Variants in SDK1 observed in about 807,000 individuals in gnomAD.
The protein encoded by SDK1 is protein sidekick-1.
In SDK1, 157 loss-of-function variants were observed where a neutral mutation model predicts 245.5. The observed-to-expected ratio is 0.64, with a 90% CI of 0.56 to 0.73. The LOEUF is 0.73. SDK1 is among the 30% of genes least tolerant of loss of function. SDK1 has a pLI of 0.00. For missense variants in SDK1, 3,583 were observed against 3,002.3 expected (o/e 1.19, Z -4.52); for synonymous variants, 1,647 against 1,278.5 (o/e 1.29, Z -6.15).
intron 1 of SDK1, among the ~76,000 whole-genome samples, chr7:3,403,390 T>C (rs192989147): frequency 6.6e-6 from 1 of 152,302 alleles, no homozygotes; most frequent in African/African-American, 2.4e-5. Flanking sequence ...GGAGAATTGT[T>C]AGTTATTATT....
intron 4 of SDK1, among the ~76,000 whole-genome samples, chr7:3,759,802 A>G (rs1780041016): frequency 6.6e-6 from 1 of 152,080 alleles, no homozygotes; most frequent in South Asian, 2.1e-4. Flanking sequence ...CATGTTGGCC[A>G]GGCTGGTCTC....
At chr7:4,222,399 A>G (rs1000482836) in intron 40 of SDK1, among the ~76,000 whole-genome samples, 4 of 152,034 alleles carry the variant, frequency 2.6e-5, no homozygotes, top group African/African-American at 7.2e-5. Flanking sequence ...GGTTCAAGCA[A>G]TTCTCCTGCC....
intron 44 of SDK1, among the ~76,000 whole-genome samples, chr7:4,249,513 T>C (rs570693043): frequency 1.3e-5 from 2 of 152,304 alleles, no homozygotes; most frequent in African/African-American, 2.4e-5. Context: ...AGACATGCTC[T>C]CCACCTACAT....
At chr7:3,438,107 G>GC (rs1301594440) in intron 1 of SDK1, among the ~76,000 whole-genome samples, 1 of 152,110 alleles carries the variant, frequency 6.6e-6, no homozygotes, top group Non-Finnish European at 1.5e-5. Flanking sequence ...TCTTGACCTA[G>GC]CCCCCTGCAT....
intron 5 of SDK1, among the ~76,000 whole-genome samples, chr7:3,829,625 T>A (rs2115071555): frequency 6.6e-6 from 1 of 152,226 alleles, no homozygotes; most frequent in African/African-American, 2.4e-5. Context: ...GGAGGCTGGG[T>A]GTGCTCTTGA....
intron 17 of SDK1, among the ~76,000 whole-genome samples, chr7:4,041,915 G>A (rs1338754470): frequency 1.5e-5 from 2 of 134,856 alleles, no homozygotes; most frequent in Non-Finnish European, 3.1e-5. Flanking sequence ...CCAGGTTCGA[G>A]CAATACTCCT....
rs1781867432 is a variant in SDK1, at chr7:3,903,645, C to T, written c.848-47278C>T. Among the ~76,000 whole-genome samples the T allele has an allele frequency of 2.0e-5, 3 of 152,234 alleles. 1 individual carries two copies. Among genetic ancestry groups the T allele is most frequent in the African/African-American group, 2.4e-5 (1 of 41,530 alleles). On this transcript the variant is annotated intron_variant, in intron 5 of 44. Coordinates refer to ENST00000404826, the MANE Select transcript of SDK1 (RefSeq NM_152744.4). ...GGTATGTATGCAAGAGAACTGAAAGCATATGTTCACTCAAAAAATGGTACA... is the reference window on the plus strand; with the variant it reads ...GGTATGTATGCAAGAGAACTGAAAGTATATGTTCACTCAAAAAATGGTACA...
intron 28 of SDK1, among the ~76,000 whole-genome samples, chr7:4,142,180 G>A (rs142882714): frequency 6.6e-6 from 1 of 152,298 alleles, no homozygotes; most frequent in East Asian, 1.9e-4. Context: ...ACATACATGA[G>A]TCTGTTTTTA....
chr7:3,352,314 A>G (rs948488299), intron 1 of SDK1, among the ~76,000 whole-genome samples: 3 of 151,614 alleles, frequency 2.0e-5, no homozygotes, highest in Non-Finnish European at 2.9e-5. Context: ...GATCCCCAAT[A>G]TTTTTGTGAA....
chr7:3,731,087 G>C (rs1166117620), intron 4 of SDK1, among the ~76,000 whole-genome samples: 1 of 152,118 alleles, frequency 6.6e-6, no homozygotes, highest in Non-Finnish European at 1.5e-5. Context: ...TGTGATTTGT[G>C]CCAAGCCTCT....
intron 1 of SDK1, among the ~76,000 whole-genome samples, chr7:3,501,390 C>G (rs923545901): frequency 1.0e-5 from 1 of 96,066 alleles, no homozygotes; most frequent in Admixed American, 1.2e-4. Flanking sequence ...AAAAAAAAAA[C>G]TGATCAGGAC....
At chr7:3,911,720 T>G (rs966083340) in intron 5 of SDK1, among the ~76,000 whole-genome samples, 4 of 152,164 alleles carry the variant, frequency 2.6e-5, no homozygotes, top group Non-Finnish European at 5.9e-5. Flanking sequence ...CCATTTTGTC[T>G]CTAGTTCTGT....
chr7:3,435,604 A>T (rs1243535035), intron 1 of SDK1, among the ~76,000 whole-genome samples: 1 of 151,896 alleles, frequency 6.6e-6, no homozygotes, highest in African/African-American at 2.4e-5. Context: ...AGCTCAGGCA[A>T]TCCGCCCGCT....
rs1250243063 is a variant in SDK1, at chr7:3,708,818, C to T, written c.713+66713C>T. Among the ~76,000 whole-genome samples the T allele has an allele frequency of 3.9e-4, 60 of 152,254 alleles. 1 individual carries two copies. The highest frequency in any genetic ancestry group is 1.5e-5 in the Non-Finnish European group (1 of 68,034). On this transcript the variant is annotated intron_variant, in intron 4 of 44. Coordinates refer to ENST00000404826, the MANE Select transcript of SDK1 (RefSeq NM_152744.4). ...ACATGTCAAGTGAGTCTCTTGAAGACATCAGATATTTGGTTTGTATTTTCT... is the reference window on the plus strand; with the variant it reads ...ACATGTCAAGTGAGTCTCTTGAAGATATCAGATATTTGGTTTGTATTTTCT...
intron 1 of SDK1, among the ~76,000 whole-genome samples, chr7:3,347,857 C>G (rs1780549484): frequency 6.6e-6 from 1 of 151,276 alleles, no homozygotes; most frequent in East Asian, 1.9e-4. Context: ...TAGAGCGTGG[C>G]TTAGTATCGA....
At chr7:4,194,733 C>G (rs1261811130) in intron 35 of SDK1, among the ~76,000 whole-genome samples, 1 of 152,154 alleles carries the variant, frequency 6.6e-6, no homozygotes. Flanking sequence ...TGAGATGGTG[C>G]ACACCACATT....
chr7:3,589,399 C>G (rs1049301003), intron 1 of SDK1, among the ~76,000 whole-genome samples: 1 of 152,214 alleles, frequency 6.6e-6, no homozygotes, highest in Non-Finnish European at 1.5e-5. Flanking sequence ...AGTGCACAGA[C>G]TCTTCCCGTG....
At position 3,967,375 on chromosome 7, in the gene SDK1, C is replaced by T. The variant is rs750749503; in HGVS notation, c.1487C>T (p.Thr496Ile). The T allele has an allele frequency of 2.5e-6, 4 of 1,614,182 alleles. No individual in the cohort carries two copies. Among genetic ancestry groups the T allele is most frequent in the Admixed American group, 1.7e-5 (1 of 60,034 alleles). ...PVDTTVTDGM[T>I]AILRCEVSGA... ...GACACCACAGTTACTGACGGGATGA[C>T]AGCCATTCTAAGGTGTGAGGTGTCC... The change falls in exon 10 of 45, where the codon ACA (threonine) becomes ATA (isoleucine). Residue 496 changes from threonine to isoleucine, a missense_variant. Transcript: ENST00000404826.
intron 41 of SDK1, among the ~76,000 whole-genome samples, chr7:4,236,550 TACAC>T (rs1457295442): frequency 5.9e-5 from 9 of 151,926 alleles, no homozygotes; most frequent in East Asian, 1.9e-4. Flanking sequence ...GAGAAGCAAA[TACAC>T]ACAGTGCGTG....
Sources: gnomAD v4.1 joint callset for allele counts (sites outside exome capture counted in the v4.1 genomes callset) on GRCh38, gnomAD v4.1.1 for gene constraint, MANE v1.5 for transcripts, NCBI Gene and HGNC (gene_info 2026-07-23, HGNC 2026-07-21) for gene names.